Variants in GNE observed in about 807,000 individuals in gnomAD.
GNE encodes the protein bifunctional UDP-N-acetylglucosamine 2-epimerase/N-acetylmannosamine kinase.
Under a neutral mutation model 61.8 loss-of-function variants are expected in GNE, and 41 were observed. The ratio of observed to expected loss-of-function variants is 0.66; its 90% CI spans 0.52 to 0.86. The LOEUF (loss-of-function observed/expected upper bound fraction) is 0.86. Ranked by LOEUF, GNE falls within the 40% of genes least tolerant of loss-of-function variation. GNE has a pLI of 0.00. For synonymous variants in GNE, 264 were observed against 326.4 expected (o/e 0.81, Z 2.06); for missense variants, 608 against 909.1 (o/e 0.67, Z 4.26).
chr9:36,261,847 C>G (rs1349915009), upstream of GNE, among the ~76,000 whole-genome samples: 2 of 150,966 alleles, frequency 1.3e-5, no homozygotes, highest in South Asian at 2.1e-4. Context: ...GGCGTGAACC[C>G]GGGAGGCGGA....
intron 3 of GNE, among the ~76,000 whole-genome samples, chr9:36,241,169 G>A (rs541308574): frequency 6.6e-6 from 1 of 151,348 alleles, no homozygotes; most frequent in South Asian, 2.1e-4. Context: ...AGGTTGGAGT[G>A]CAGTGGCACG....
chr9:36,243,164 C>T (rs1402838068), intron 3 of GNE, among the ~76,000 whole-genome samples: 2 of 152,152 alleles, frequency 1.3e-5, no homozygotes, highest in East Asian at 3.9e-4. Flanking sequence ...CCCACTTCAG[C>T]CTCCGGAGTA....
intron 5 of GNE, among the ~76,000 whole-genome samples, chr9:36,233,252 C>G (rs1052985059): frequency 1.3e-5 from 2 of 152,334 alleles, no homozygotes; most frequent in East Asian, 1.9e-4. Context: ...AACTACCATA[C>G]TCTAAAGTAC....
chr9:36,233,725 G>T, intron 5 of GNE, 195 bp downstream of exon 5: 1 of 657,178 alleles, frequency 1.5e-6, no homozygotes, highest in South Asian at 1.7e-5. Context: ...ACAATAAAAT[G>T]TAAGTAGAGA....
chr9:36,225,354 G>A (rs1828814455), intron 7 of GNE, among the ~76,000 whole-genome samples: 1 of 152,078 alleles, frequency 6.6e-6, no homozygotes, highest in Non-Finnish European at 1.5e-5. Context: ...ATAAATCTAG[G>A]TCAGGCACGG....
intron 1 of GNE, among the ~76,000 whole-genome samples, chr9:36,268,989 G>T (rs1193624718): frequency 6.6e-6 from 1 of 151,994 alleles, no homozygotes; most frequent in Non-Finnish European, 1.5e-5. Context: ...AATTAGCTGG[G>T]TGTGGTGCTG....
Position 36,233,886 on chromosome 9 carries a change from C to A in GNE, c.982+34G>T, listed in dbSNP as rs762231389. 3.4e-6 allele frequency: 5 copies of A among 1,478,828 alleles called. No homozygotes were observed. The South Asian group carries it at 3.4e-5, about 10-fold the overall frequency. The allele number at this position is 1,478,828 out of a possible 1,614,324, so 91.6% of individuals were successfully genotyped here. A position where few individuals can be genotyped will look rare whatever the true frequency, so the allele number is the denominator to read the frequency against. ...TATAACAACTCACGTATGTATAAAG[C>A]CTAGTCAGTTGAAGTATGAGCAAAG... On this transcript the variant is annotated intron_variant, in intron 5 of 11. Transcript: ENST00000642385.
At chr9:36,259,238 C>A (rs1005756145), upstream of GNE, among the ~76,000 whole-genome samples, 1 of 152,166 alleles carries the variant, frequency 6.6e-6, no homozygotes, top group Admixed American at 6.5e-5. Flanking sequence ...TTTTAATGAC[C>A]CTTTCAAATT....
At chr9:36,272,822 G>T (rs1435421024) in intron 1 of GNE, among the ~76,000 whole-genome samples, 1 of 150,368 alleles carries the variant, frequency 6.7e-6, no homozygotes, top group Non-Finnish European at 1.5e-5. Flanking sequence ...TGTAAGCCCA[G>T]CACTTTGGGA....
At chr9:36,223,812 C>T (rs530344465) in intron 7 of GNE, among the ~76,000 whole-genome samples, 21 of 151,166 alleles carry the variant, frequency 1.4e-4, no homozygotes, top group African/African-American at 1.7e-4. Flanking sequence ...AGCGCTATGG[C>T]GCGATCTCAG....
intron 1 of GNE, among the ~76,000 whole-genome samples, chr9:36,268,398 G>T (rs1411742322): frequency 6.6e-6 from 1 of 152,164 alleles, no homozygotes; most frequent in African/African-American, 2.4e-5. Flanking sequence ...GGGTGTGGTG[G>T]TTCATACCTA....
Position 36,223,507 on chromosome 9 carries a change from A to G in GNE, c.1282-5T>C. ...ATACTTCTTAACTATTTCACCCTAAAAGAGAAAACAACAAGTTCCGTCTTA... is the reference window on the plus strand; with the variant it reads ...ATACTTCTTAACTATTTCACCCTAAGAGAGAAAACAACAAGTTCCGTCTTA... On this transcript the variant is annotated splice_polypyrimidine_tract_variant and splice_region_variant and intron_variant, in intron 7 of 11. Transcript: ENST00000642385. 6.2e-7 allele frequency: 1 copy of G among 1,610,864 alleles called. No homozygotes were observed. Among genetic ancestry groups the G allele is most frequent in the Non-Finnish European group, 8.5e-7 (1 of 1,178,208 alleles).
At position 36,264,236 on chromosome 9, in the gene GNE, A is replaced by G. The variant is rs558325435; in HGVS notation, c.51+12658T>C. 6.6e-5 allele frequency among the ~76,000 whole-genome samples: 10 copies of G among 152,098 alleles called. No homozygotes were observed. In the East Asian group the frequency reaches 1.9e-3, roughly 29 times the overall value. ...CAACCTCCACCTCCCAGGTTCAAGT[A>G]ATTTTTGTGCCTCAGCTTCCCAAGT... On this transcript the variant is annotated intron_variant, in intron 1 of 11. Coordinates refer to the GNE transcript ENST00000396594.
At chr9:36,245,804 A>T (rs920168261) in intron 3 of GNE, among the ~76,000 whole-genome samples, 3 of 152,240 alleles carry the variant, frequency 2.0e-5, no homozygotes, top group Non-Finnish European at 4.4e-5. Context: ...CCATTCTATA[A>T]ATATAGCAGA....
At chr9:36,232,345 C>CCCCCCCCCCCCCCA (rs1554660756) in intron 5 of GNE, among the ~76,000 whole-genome samples, 1 of 126,388 alleles carries the variant, frequency 7.9e-6, no homozygotes, top group Non-Finnish European at 1.6e-5. Flanking sequence ...CGCCCCCCCT[C>CCCCCCCCCCCCCCA]CCGACATTCC....
chr9:36,243,287 T>C (rs978509835), intron 3 of GNE, among the ~76,000 whole-genome samples: 1 of 152,108 alleles, frequency 6.6e-6, no homozygotes, highest in Non-Finnish European at 1.5e-5. Context: ...TCAAGTGATC[T>C]GCCCACTTTG....
At position 36,218,830 on chromosome 9, in the gene GNE, G is replaced by A. The variant is rs976463837; in HGVS notation, c.1817-531C>T. Among the ~76,000 whole-genome samples the A allele has an allele frequency of 1.3e-5, 2 of 152,238 alleles. No individual in the cohort carries two copies. The highest frequency in any genetic ancestry group is 2.1e-4 in the South Asian group (1 of 4,838). On this transcript the variant is annotated intron_variant, in intron 10 of 11. Coordinates refer to ENST00000642385, the MANE Select transcript of GNE (RefSeq NM_005476.7). The surrounding 1 kb of genome is among the most constrained non-coding windows in gnomAD (Gnocchi z 4.1). ...TCCTTCCTAGAAGATGAGACCAGTA[G>A]TGCCTCCCCTGGCAGGGTTATTTGA...
intron 3 of GNE, among the ~76,000 whole-genome samples, chr9:36,237,536 A>T (rs959679489): frequency 6.6e-6 from 1 of 152,196 alleles, no homozygotes; most frequent in Non-Finnish European, 1.5e-5. Flanking sequence ...TTCCTCAGCA[A>T]AAATTTAAAA....
chr9:36,271,474 A>AGC (rs1355634504), intron 1 of GNE, among the ~76,000 whole-genome samples: 1 of 152,120 alleles, frequency 6.6e-6, no homozygotes, highest in African/African-American at 2.4e-5. Context: ...CCCGGGTTCA[A>AGC]GCGATTCTCC....
Sources: allele counts gnomAD v4.1 joint callset (sites outside exome capture counted in the v4.1 genomes callset), GRCh38; gene constraint gnomAD v4.1.1; non-coding constraint Gnocchi (gnomAD v3.1); transcripts MANE v1.5; gene names NCBI Gene and HGNC (gene_info 2026-07-23, HGNC 2026-07-21).